The following NUP210 variants were observed in gnomAD, a reference collection of about 807,000 sequenced individuals.
The protein encoded by NUP210 is nucleoporin 210.
Under a neutral mutation model 196.0 loss-of-function variants are expected in NUP210, and 151 were observed. That is an observed-to-expected ratio of 0.77 (90% CI 0.67 to 0.88). The LOEUF is 0.88. NUP210 is among the 40% of genes least tolerant of loss of function. The pLI is 0.00. For missense variants in NUP210, 2,314 were observed against 2,493.7 expected, an observed-to-expected ratio of 0.93 and a Z score of 1.53; for synonymous variants, 1,070 against 1,052.7, an observed-to-expected ratio of 1.02 and a Z score of -0.32.
intron 1 of NUP210, among the ~76,000 whole-genome samples, chr3:13,412,086 C>T (rs1700191705): frequency 6.6e-6 from 1 of 150,606 alleles, no homozygotes; most frequent in African/African-American, 2.4e-5. Context: ...CAGGCTCTCA[C>T]TCTGTTGCCC....
intron 3 of NUP210, among the ~76,000 whole-genome samples, chr3:13,395,152 T>C (rs547008471): frequency 3.9e-5 from 6 of 152,204 alleles, no homozygotes; most frequent in African/African-American, 7.2e-5. Context: ...CTGGGCACCA[T>C]CCTGGCATAA....
Position 13,328,868 on chromosome 3 carries a change from G to C in NUP210, c.4189C>G (p.Pro1397Ala). ...TQNKEALVAVPLGMTVTFTVH... is the reference protein window; with the variant it reads ...TQNKEALVAVALGMTVTFTVH... The stretch of plus-strand genomic sequence containing the variant: ...GTGAAGGTCACGGTCATTCCCAAAG[G>C]CACGGCCACCAGGGCCTCCTTGTTC... The change falls in exon 31 of 40, where the codon CCT becomes GCT. Residue 1397 changes from proline (P) to alanine (A), a missense_variant. By Grantham distance (27) the Pro-to-Ala change is conservative. Transcript: ENST00000254508. 6.2e-7 allele frequency: 1 copy of C among 1,614,166 alleles called. No individual in the cohort carries two copies. Among genetic ancestry groups the C allele is most frequent in the Non-Finnish European group, 8.5e-7 (1 of 1,180,016 alleles).
chr3:13,410,562 G>A (rs1241324196), intron 1 of NUP210, among the ~76,000 whole-genome samples: 2 of 149,550 alleles, frequency 1.3e-5, no homozygotes, highest in Admixed American at 6.7e-5. Flanking sequence ...AAGGTAGGAG[G>A]ATCACTTGAG....
At chr3:13,375,228 A>G (rs899238456) in intron 11 of NUP210, among the ~76,000 whole-genome samples, 4 of 150,478 alleles carry the variant, frequency 2.7e-5, no homozygotes, top group African/African-American at 9.8e-5. Flanking sequence ...GGTTTAAGCA[A>G]TCCTCTCACT....
At position 13,340,788 on chromosome 3, in the gene NUP210, C is replaced by T. The variant is rs541496773; in HGVS notation, c.3229-490G>A. Among the ~76,000 whole-genome samples the T allele has an allele frequency of 1.1e-4, 16 of 152,084 alleles. No individual in the cohort carries two copies. Among genetic ancestry groups the T allele is most frequent in the Admixed American group, 5.2e-4 (8 of 15,274 alleles). On this transcript the variant is annotated intron_variant, in intron 23 of 39. Coordinates refer to ENST00000254508, the MANE Select transcript of NUP210 (RefSeq NM_024923.4). This position sits in a 1 kb window ranked among gnomAD's most constrained non-coding sequence, Gnocchi z 4.0. Reference sequence around the variant, plus strand: ...GAGGTTGCTCTTCTAGCACACCCTCCGGATTAGCCTGGGAGGAGACCAGGG... The same window carrying T: ...GAGGTTGCTCTTCTAGCACACCCTCTGGATTAGCCTGGGAGGAGACCAGGG...
rs369765611 is a variant in NUP210 at position 13,391,238 on chromosome 3, C to G, written c.506G>C (p.Arg169Thr). ...CAGCGCATTGTGGGAGTCTGAGAAC[C>G]TGTCCGCCTCGGAGTCCTTCACAAT... is the stretch of plus-strand genomic sequence containing the variant. ...WTIVKDSEAD[R>T]FSDSHNALRI... Residue 169 changes from arginine to threonine, a missense_variant, in exon 4 of 40, where the codon AGG becomes ACG. By Grantham distance (71) the Arg-to-Thr change is moderately conservative. Transcript: ENST00000254508. The G allele has an allele frequency of 7.2e-5, 116 of 1,612,752 alleles. No homozygotes were observed. The highest frequency in any genetic ancestry group is 9.6e-5 in the Non-Finnish European group (113 of 1,179,494).
intron 6 of NUP210, among the ~76,000 whole-genome samples, chr3:13,380,310 T>G (rs1362767638): frequency 6.6e-6 from 1 of 152,202 alleles, no homozygotes; most frequent in East Asian, 1.9e-4. Flanking sequence ...TACATCTTCC[T>G]TGCTCTGTGG....
chr3:13,356,716 G>A (rs1046526222), intron 16 of NUP210, among the ~76,000 whole-genome samples: 4 of 152,220 alleles, frequency 2.6e-5, no homozygotes, highest in Admixed American at 6.5e-5. Flanking sequence ...CTGGCTGGTG[G>A]CTCAGGAACC....
At chr3:13,349,356 C>T (rs940818698) in intron 20 of NUP210, among the ~76,000 whole-genome samples, 3 of 152,226 alleles carry the variant, frequency 2.0e-5, no homozygotes, top group African/African-American at 7.2e-5. Context: ...CCAGCTACAG[C>T]TTGCTGAGAC....
At chr3:13,318,169 C>A (rs1288502512) in intron 39 of NUP210, among the ~76,000 whole-genome samples, 1 of 152,198 alleles carries the variant, frequency 6.6e-6, no homozygotes, top group Middle Eastern at 3.2e-3. Flanking sequence ...GCTCCGGAGA[C>A]CTTGCAGAGA....
chr3:13,351,487 A>G (rs1359036803), intron 20 of NUP210, among the ~76,000 whole-genome samples: 1 of 152,174 alleles, frequency 6.6e-6, no homozygotes, highest in Non-Finnish European at 1.5e-5. Context: ...ATTAAGTGCC[A>G]GCTTTTTTTT....
Position 13,376,283 on chromosome 3 carries a change from C to G in NUP210, c.1293+8G>C. On this transcript the variant is annotated splice_region_variant and intron_variant, in intron 10 of 39. Transcript: ENST00000254508. ...ACAAGGCACGACGCAGGGGAGACACCAACTTGCCTGGTCCACCACAGAGGT... is the reference window on the plus strand; with the variant it reads ...ACAAGGCACGACGCAGGGGAGACACGAACTTGCCTGGTCCACCACAGAGGT... 2 of 1,613,082 alleles carry G rather than the reference C, an allele frequency of 1.2e-6. No homozygotes were observed. Among genetic ancestry groups the G allele is most frequent in the South Asian group, 2.2e-5 (2 of 91,032 alleles).
intron 9 of NUP210, 134 bp downstream of exon 9, chr3:13,377,322 C>T (rs563720420): frequency 6.1e-6 from 4 of 655,044 alleles, no homozygotes; most frequent in East Asian, 2.8e-5. Context: ...GACCCGGGAG[C>T]GCCACTAGAA....
rs200277108 is a variant in NUP210, at chr3:13,351,979, G to A, written c.2735C>T (p.Ala912Val). 252 of 1,610,118 alleles carry A rather than the reference G, an allele frequency of 1.6e-4. No individual in the cohort carries two copies. The highest frequency in any genetic ancestry group is 4.9e-5 in the Non-Finnish European group (58 of 1,176,898). Residue 912 changes from alanine to valine, a missense_variant and splice_region_variant, in exon 20 of 40, where the codon GCA becomes GTA. By Grantham distance (64) the Ala-to-Val change is moderately conservative. Transcript: ENST00000254508. The stretch of plus-strand genomic sequence containing the variant: ...TGAGCCTTCCCTGATGCGGAGCTCT[G>A]CCTGCAGGAGGCAGATGCAGGGAGG... ...VTIYNHPGIQAELRIREGSGY... is the reference protein window; with the variant it reads ...VTIYNHPGIQVELRIREGSGY...
chr3:13,336,050 C>T (rs1027563471), intron 27 of NUP210, among the ~76,000 whole-genome samples: 3 of 152,228 alleles, frequency 2.0e-5, no homozygotes, highest in African/African-American at 4.8e-5. Context: ...GGGGAGCCCC[C>T]GGGCACCAGG....
rs189817723 is a variant in NUP210 at position 13,413,205 on chromosome 3, C to T, written c.167+6855G>A. Among the ~76,000 whole-genome samples, 444 of 152,148 alleles carry T rather than the reference C, an allele frequency of 2.9e-3. 3 individuals are homozygous for T. Among genetic ancestry groups the T allele is most frequent in the African/African-American group, 0.01 (433 of 41,528 alleles). Reference sequence around the variant, plus strand: ...GCTTGAGGCCGGGCGCGGTGGCTCACACCTGTAATCCCAGCACTTTGGGAG... The same window carrying T: ...GCTTGAGGCCGGGCGCGGTGGCTCATACCTGTAATCCCAGCACTTTGGGAG... On this transcript the variant is annotated intron_variant, in intron 1 of 39. Coordinates refer to ENST00000254508, the MANE Select transcript of NUP210 (RefSeq NM_024923.4).
intron 36 of NUP210, 52 bp downstream of exon 36, chr3:13,321,533 T>C: frequency 6.3e-7 from 1 of 1,584,358 alleles, no homozygotes; most frequent in Non-Finnish European, 8.6e-7. Flanking sequence ...CTCCAGGGCC[T>C]TCCTGATGCC....
chr3:13,325,319 T>C (rs921385107), intron 33 of NUP210, among the ~76,000 whole-genome samples: 1 of 152,246 alleles, frequency 6.6e-6, no homozygotes, highest in Non-Finnish European at 1.5e-5. Flanking sequence ...CTAGGTTCCA[T>C]AAAGCACATG....
intron 11 of NUP210, among the ~76,000 whole-genome samples, chr3:13,374,172 C>T (rs1344001388): frequency 1.3e-5 from 2 of 152,092 alleles, no homozygotes; most frequent in Non-Finnish European, 2.9e-5. Flanking sequence ...ACATGCTCAC[C>T]ACTCACACCC....
Sources: allele counts gnomAD v4.1 joint callset (sites outside exome capture counted in the v4.1 genomes callset), GRCh38; gene constraint gnomAD v4.1.1; non-coding constraint Gnocchi (gnomAD v3.1); transcripts MANE v1.5; gene names NCBI Gene and HGNC (gene_info 2026-07-23, HGNC 2026-07-21).